ZDHHC11B: variants seen among roughly 807,000 people sequenced by gnomAD.
The protein encoded by ZDHHC11B is probable palmitoyltransferase ZDHHC11B.
Under a neutral mutation model 42.3 loss-of-function variants are expected in ZDHHC11B, and 17 were observed. The observed-to-expected ratio is 0.40, with a 90% confidence interval of 0.27 to 0.60. The LOEUF is 0.60. Among genes scored for constraint, ZDHHC11B ranks in the 20% least tolerant of loss-of-function variants. The pLI is 0.41. For synonymous variants in ZDHHC11B, 123 were observed against 193.5 expected (o/e 0.64, Z 3.02); for missense variants, 262 against 463.2 (o/e 0.57, Z 3.99).
At chr5:715,825 C>A (rs1741707252) in intron 13 of ZDHHC11B, among the ~76,000 whole-genome samples, 1 of 151,420 alleles carries the variant, frequency 6.6e-6, no homozygotes, top group Non-Finnish European at 1.5e-5. Context: ...GGCTGTGCTG[C>A]TGGGAGACCT....
Position 754,460 on chromosome 5 carries a change from G to A in ZDHHC11B, c.503+538C>T, listed in dbSNP as rs868853796. Reference sequence around the variant, plus strand: ...ACCATGCTCAGGGGAAAGACCTCTCGCCTGTGAGCCTCCACCGTGCTCAGG... The same window carrying A: ...ACCATGCTCAGGGGAAAGACCTCTCACCTGTGAGCCTCCACCGTGCTCAGG... On this transcript the variant is annotated intron_variant, in intron 6 of 13. Transcript: ENST00000508859. Among the ~76,000 whole-genome samples the A allele has an allele frequency of 2.4e-4, 22 of 91,194 alleles. 1 individual carries two copies. Among genetic ancestry groups the A allele is most frequent in the African/African-American group, 5.6e-4 (14 of 24,956 alleles). 59.8% of individuals were successfully genotyped at this position (91,194 alleles called of 152,430 possible).
Position 743,717 on chromosome 5 carries a change from G to C in ZDHHC11B, c.900+1466C>G, listed in dbSNP as rs1354200381. On this transcript the variant is annotated intron_variant, in intron 9 of 13. Transcript: ENST00000508859. ...TTTCATTGCTGGTGGATCGAGATGT[G>C]CGAGTGTGTATTTTAATATGTGCCC... is the stretch of plus-strand genomic sequence containing the variant. 1.3e-5 allele frequency among the ~76,000 whole-genome samples: 2 copies of C among 149,866 alleles called. 1 individual carries two copies.
chr5:784,245 T>C (rs1319697862), intron 1 of ZDHHC11B, among the ~76,000 whole-genome samples: 1 of 151,516 alleles, frequency 6.6e-6, no homozygotes, highest in Non-Finnish European at 1.5e-5. Context: ...CGCCCTAATT[T>C]CCCACGCCTC....
intron 12 of ZDHHC11B, among the ~76,000 whole-genome samples, chr5:721,015 G>T (rs1442086876): frequency 6.6e-6 from 1 of 151,748 alleles, no homozygotes; most frequent in Non-Finnish European, 1.5e-5. Flanking sequence ...GAAGGTTGAG[G>T]TGGAAAGATT....
chr5:774,413 G>A (rs1421662185), intron 1 of ZDHHC11B, among the ~76,000 whole-genome samples: 2 of 152,210 alleles, frequency 1.3e-5, no homozygotes, highest in Non-Finnish European at 2.9e-5. Context: ...AGGAACAGGG[G>A]TCTCGCACTT....
At position 750,319 on chromosome 5, in the gene ZDHHC11B, G is replaced by A. The variant is rs1315823062; in HGVS notation, c.628+814C>T. Among the ~76,000 whole-genome samples the A allele has an allele frequency of 2.2e-5, 3 of 133,918 alleles. 1 individual carries two copies. In the East Asian group the frequency reaches 6.8e-4, roughly 30 times the overall value. The allele number at this position is 133,918 out of a possible 152,430, so 87.9% of individuals were successfully genotyped here. A position where few individuals can be genotyped will look rare whatever the true frequency, so the allele number is the denominator to read the frequency against. ...CAGCTGCAGGACAGTTGAGCGCGCT[G>A]CCTCCGCAGGGTCCAGGGAGGTCCT... On this transcript the variant is annotated intron_variant, in intron 7 of 13. Coordinates refer to ENST00000508859, the MANE Select transcript of ZDHHC11B (RefSeq NM_001351303.2).
At chr5:717,169 A>T (rs1189937269) in intron 12 of ZDHHC11B, among the ~76,000 whole-genome samples, 1 of 151,318 alleles carries the variant, frequency 6.6e-6, no homozygotes, top group African/African-American at 2.4e-5. Flanking sequence ...GATTTCCAGC[A>T]TGAAAAGTGG....
intron 1 of ZDHHC11B, among the ~76,000 whole-genome samples, chr5:780,150 G>A (rs1277712614): frequency 1.7e-4 from 26 of 150,640 alleles, no homozygotes; most frequent in African/African-American, 4.2e-4. Context: ...CTGTGGGGGC[G>A]AATGGCTTTA....
chr5:760,187 A>G (rs548987265), intron 4 of ZDHHC11B, among the ~76,000 whole-genome samples: 1 of 151,882 alleles, frequency 6.6e-6, no homozygotes, highest in South Asian at 2.1e-4. Context: ...ACAGCACATA[A>G]GGAAACAGCC....
intron 4 of ZDHHC11B, among the ~76,000 whole-genome samples, chr5:758,398 C>A (rs1189273678): frequency 6.6e-6 from 1 of 151,972 alleles, no homozygotes; most frequent in Non-Finnish European, 1.5e-5. Context: ...TGCAGCCTCA[C>A]ATTCTCCGGG....
intron 7 of ZDHHC11B, among the ~76,000 whole-genome samples, 187 bp downstream of exon 7, chr5:750,946 C>G (rs1177889711): frequency 1.8e-3 from 207 of 113,878 alleles, no homozygotes; most frequent in African/African-American, 5.3e-3. Flanking sequence ...GCCTCCCGCG[C>G]GCTGGGGGCT....
At chr5:777,334 C>G (rs1461646773) in intron 1 of ZDHHC11B, among the ~76,000 whole-genome samples, 4 of 151,800 alleles carry the variant, frequency 2.6e-5, no homozygotes, top group Admixed American at 2.0e-4. Flanking sequence ...GTGTTACTTA[C>G]GCCTCTCAGA....
intron 1 of ZDHHC11B, among the ~76,000 whole-genome samples, chr5:776,947 C>A (rs1561204420): frequency 1.3e-5 from 2 of 151,944 alleles, no homozygotes; most frequent in Admixed American, 1.3e-4. Flanking sequence ...CCCAGGCCGC[C>A]TGTCAGGCAG....
At chr5:717,585 C>T (rs1448160439) in intron 12 of ZDHHC11B, among the ~76,000 whole-genome samples, 2 of 151,830 alleles carry the variant, frequency 1.3e-5, no homozygotes, top group African/African-American at 4.9e-5. Context: ...TATAGTCTCC[C>T]TTCTCTGATC....
chr5:763,385 AAAGAAG>A (rs200099410), intron 4 of ZDHHC11B, among the ~76,000 whole-genome samples: 18,261 of 144,112 alleles, frequency 0.13, 1,156 homozygotes, highest in African/African-American at 0.29. Context: ...AAAAAAAAAA[AAAGAAG>A]AAGAAGAAGA....
chr5:760,772 C>CA (rs1457514682), intron 4 of ZDHHC11B, among the ~76,000 whole-genome samples: 1 of 151,824 alleles, frequency 6.6e-6, no homozygotes, highest in Non-Finnish European at 1.5e-5. Flanking sequence ...GCCTGAGACT[C>CA]AGAGTCCACA....
chr5:743,572 T>A (rs1317056389), intron 9 of ZDHHC11B, among the ~76,000 whole-genome samples: 1 of 149,494 alleles, frequency 6.7e-6, no homozygotes, highest in Non-Finnish European at 1.5e-5. Flanking sequence ...TAATAGAGCG[T>A]CTCTGACTTC....
chr5:748,740 A>C (rs3817051), intron 7 of ZDHHC11B, among the ~76,000 whole-genome samples, 181 bp from the exon 8 acceptor site: 9,556 of 126,438 alleles, frequency 0.076, 792 homozygotes, highest in East Asian at 0.21. Flanking sequence ...CTGCTGACTG[A>C]GGTTGGTTTT....
At chr5:778,027 T>C (rs752778238) in intron 1 of ZDHHC11B, among the ~76,000 whole-genome samples, 112 of 151,946 alleles carry the variant, frequency 7.4e-4, no homozygotes, top group Non-Finnish European at 1.3e-3. Context: ...CTGGCAGTGC[T>C]GGGGGACCCG....
Sources: gnomAD v4.1 joint callset for allele counts (sites outside exome capture counted in the v4.1 genomes callset) on GRCh38, gnomAD v4.1.1 for gene constraint, MANE v1.5 for transcripts, NCBI Gene and HGNC (gene_info 2026-07-23, HGNC 2026-07-21) for gene names.